PLXDC2: variants seen among roughly 807,000 people sequenced by gnomAD.
The protein encoded by PLXDC2 is plexin domain containing 2.
A neutral mutation model predicts 68.9 loss-of-function variants in PLXDC2; 40 were observed. That is an observed-to-expected ratio of 0.58 (90% CI 0.45 to 0.76). PLXDC2 has a LOEUF of 0.76. Ranked by LOEUF, PLXDC2 falls within the 30% of genes least tolerant of loss-of-function variation. The pLI is 0.00. For missense variants in PLXDC2, 644 were observed against 661.9 expected (o/e 0.97, Z 0.30); for synonymous variants, 243 against 234.2 (o/e 1.04, Z -0.34).
At chr10:20,052,002 T>A (rs899808306) in intron 3 of PLXDC2, among the ~76,000 whole-genome samples, 3 of 151,880 alleles carry the variant, frequency 2.0e-5, no homozygotes, top group Non-Finnish European at 4.4e-5. Flanking sequence ...TGGTCCTGTA[T>A]CTACTTTGTT....
intron 12 of PLXDC2, among the ~76,000 whole-genome samples, chr10:20,235,511 C>T (rs1220909778): frequency 6.6e-6 from 1 of 152,182 alleles, no homozygotes; most frequent in Non-Finnish European, 1.5e-5. Flanking sequence ...TGTAAGCATC[C>T]TCTCAGATCT....
At chr10:20,199,041 A>G (rs1344145164) in intron 9 of PLXDC2, among the ~76,000 whole-genome samples, 1 of 152,058 alleles carries the variant, frequency 6.6e-6, no homozygotes, top group Non-Finnish European at 1.5e-5. Context: ...ATAGAATTTT[A>G]AAACCTCAAT....
intron 4 of PLXDC2, among the ~76,000 whole-genome samples, chr10:20,113,470 T>C (rs1251574569): frequency 2.0e-5 from 3 of 152,194 alleles, no homozygotes; most frequent in Non-Finnish European, 2.9e-5. Flanking sequence ...TGAAAAACTC[T>C]CTAATGTGTC....
rs1170382949 is a variant in PLXDC2, at chr10:19,989,079, C to A, written c.113-12696C>A. ...CCTCCCAAAGTGCTGGGATTACAGG[C>A]ATGAGCCACCGCACCTGGCCTAATA... On this transcript the variant is annotated intron_variant, in intron 1 of 13. Coordinates refer to ENST00000377252, the MANE Select transcript of PLXDC2 (RefSeq NM_032812.9). 4.6e-5 allele frequency among the ~76,000 whole-genome samples: 7 copies of A among 152,130 alleles called. No individual in the cohort carries two copies. In the East Asian group the frequency reaches 1.4e-3, roughly 29 times the overall value.
chr10:19,871,243 T>G (rs566431512), intron 1 of PLXDC2, among the ~76,000 whole-genome samples: 15 of 152,346 alleles, frequency 9.8e-5, no homozygotes, highest in African/African-American at 3.6e-4. Context: ...TGAAGAGAAC[T>G]GTTCACATAT....
intron 12 of PLXDC2, among the ~76,000 whole-genome samples, chr10:20,238,648 T>TC (rs200831085): frequency 0.014 from 1,876 of 134,732 alleles, 71 homozygotes; most frequent in African/African-American, 0.051. Context: ...AGAGAAAGAC[T>TC]CCATCTCAAA....
rs376581062 is a variant in PLXDC2, at chr10:20,178,524, C to A, written c.1061+1115C>A. ...CGGAGTCTATGAAAAATGTTTCTTT[C>A]CCCAGGAGGGAAACCGAATATTCAT... is the stretch of plus-strand genomic sequence containing the variant. On this transcript the variant is annotated intron_variant, in intron 9 of 13. Coordinates refer to ENST00000377252, the MANE Select transcript of PLXDC2 (RefSeq NM_032812.9). Among the ~76,000 whole-genome samples the A allele has an allele frequency of 1.1e-3, 170 of 152,158 alleles. 1 individual carries two copies. The highest frequency in any genetic ancestry group is 3.8e-3 in the African/African-American group (159 of 41,532).
intron 4 of PLXDC2, among the ~76,000 whole-genome samples, chr10:20,094,980 A>G (rs1833328538): frequency 6.6e-6 from 1 of 152,174 alleles, no homozygotes; most frequent in Non-Finnish European, 1.5e-5. Flanking sequence ...AGCCTTCTAG[A>G]ACTGCACAAT....
In PLXDC2 at chr10:20,055,347, G is replaced by C. The variant is rs546813681; in HGVS notation, c.471+8332G>C. ...CATATTTGCATAATGTTTATGTTGG[G>C]ATAAGTAAATTTAGCTGTTTATGGC... On this transcript the variant is annotated intron_variant, in intron 3 of 13. Transcript: ENST00000377252. 4.6e-5 allele frequency among the ~76,000 whole-genome samples: 7 copies of C among 152,194 alleles called. No homozygotes were observed. The South Asian group carries it at 1.5e-3, about 32-fold the overall frequency.
chr10:19,847,471 G>A (rs183568237), intron 1 of PLXDC2, among the ~76,000 whole-genome samples: 5 of 152,262 alleles, frequency 3.3e-5, no homozygotes, highest in African/African-American at 7.2e-5. Flanking sequence ...TTAACTCAGC[G>A]GTTGCCCAAG....
intron 1 of PLXDC2, among the ~76,000 whole-genome samples, chr10:19,926,793 G>A (rs114962478): frequency 0.01 from 1,538 of 152,282 alleles, 26 homozygotes; most frequent in African/African-American, 0.035. Flanking sequence ...TCTATGTGGT[G>A]TAGCAATGAG....
chr10:19,981,473 C>T (rs1488997050), intron 1 of PLXDC2, among the ~76,000 whole-genome samples: 1 of 152,074 alleles, frequency 6.6e-6, no homozygotes, highest in African/African-American at 2.4e-5. Context: ...AACCTCATTC[C>T]GTTGGAGATG....
intron 4 of PLXDC2, among the ~76,000 whole-genome samples, chr10:20,071,406 A>G (rs1200834207): frequency 1.2e-4 from 18 of 152,152 alleles, no homozygotes; most frequent in Non-Finnish European, 1.5e-5. Context: ...CGTAATTCCC[A>G]TATGTTGTGG....
chr10:19,930,382 C>CT (rs147513968), intron 1 of PLXDC2, among the ~76,000 whole-genome samples: 12,816 of 152,120 alleles, frequency 0.084, 806 homozygotes, highest in African/African-American at 0.18. Context: ...CTAATAAGGT[C>CT]TTTAGCTTTG....
At chr10:19,865,534 T>C (rs1837397577) in intron 1 of PLXDC2, among the ~76,000 whole-genome samples, 1 of 152,176 alleles carries the variant, frequency 6.6e-6, no homozygotes, top group South Asian at 2.1e-4. Context: ...TCCTACGTCA[T>C]TATCATCTAC....
intron 4 of PLXDC2, among the ~76,000 whole-genome samples, chr10:20,081,912 G>A (rs1052813172): frequency 5.9e-5 from 9 of 151,770 alleles, no homozygotes; most frequent in African/African-American, 1.9e-4. Flanking sequence ...GGGCATGGTG[G>A]CGCATGCCTG....
intron 9 of PLXDC2, among the ~76,000 whole-genome samples, chr10:20,190,618 T>A (rs1589672957): frequency 7.2e-6 from 1 of 139,430 alleles, no homozygotes; most frequent in South Asian, 2.3e-4. Flanking sequence ...TATATATATA[T>A]AAACTGAGTA....
At chr10:20,218,065 G>A (rs1040980103) in intron 11 of PLXDC2, among the ~76,000 whole-genome samples, 3 of 152,118 alleles carry the variant, frequency 2.0e-5, no homozygotes, top group Non-Finnish European at 4.4e-5. Context: ...CAGAAACACT[G>A]TATGTGTCAT....
intron 4 of PLXDC2, among the ~76,000 whole-genome samples, chr10:20,129,185 A>G (rs1003635903): frequency 2.0e-5 from 3 of 152,114 alleles, no homozygotes; most frequent in Non-Finnish European, 4.4e-5. Flanking sequence ...CCCAAAATAT[A>G]TGATATTTTA....
Sources: gnomAD v4.1 joint callset for allele counts (sites outside exome capture counted in the v4.1 genomes callset) on GRCh38, gnomAD v4.1.1 for gene constraint, MANE v1.5 for transcripts, NCBI Gene and HGNC (gene_info 2026-07-23, HGNC 2026-07-21) for gene names.